PRORP: variants seen among roughly 807,000 people sequenced by gnomAD.
PRORP encodes protein only RNase P catalytic subunit.
A neutral mutation model predicts 59.4 loss-of-function variants in PRORP; 51 were observed. The ratio of observed to expected loss-of-function variants is 0.86; its 90% CI spans 0.69 to 1.08. The LOEUF is 1.08. PRORP is among the 50% of genes least tolerant of loss of function. PRORP has a pLI of 0.00. For synonymous variants in PRORP, 231 were observed against 245.6 expected, an observed-to-expected ratio of 0.94 and a Z score of 0.55; for missense variants, 646 against 690.3, an observed-to-expected ratio of 0.94 and a Z score of 0.72.
At chr14:35,195,456 G>A (rs928716182) in intron 5 of PRORP, among the ~76,000 whole-genome samples, 3 of 151,952 alleles carry the variant, frequency 2.0e-5, no homozygotes, top group South Asian at 4.1e-4. Flanking sequence ...AAATTACTGT[G>A]TGTGTTTTTA....
chr14:35,177,926 G>C (rs2048496009), intron 4 of PRORP, among the ~76,000 whole-genome samples: 1 of 152,220 alleles, frequency 6.6e-6, no homozygotes, highest in African/African-American at 2.4e-5. Context: ...ATGTGTCCCA[G>C]AGATTCTGGT....
intron 5 of PRORP, 106 bp from the exon 6 acceptor site, chr14:35,266,621 A>G (rs2051049684): frequency 8.6e-7 from 1 of 1,166,364 alleles, no homozygotes; most frequent in Admixed American, 2.2e-5. Context: ...CTTACCCCCT[A>G]CCAGAAAAGA....
chr14:35,190,275 G>C (rs1419851252), intron 5 of PRORP, among the ~76,000 whole-genome samples: 1 of 151,180 alleles, frequency 6.6e-6, no homozygotes, highest in Non-Finnish European at 1.5e-5. Context: ...GTGCATGCCT[G>C]TAATCCCAGC....
rs570695894 is a variant in PRORP at position 35,156,566 on chromosome 14, G to C, written c.1168-24104G>C. ...TCAAAAGCAGGCTTCTCTCTAGGCT[G>C]ATCACTGCTTTAACAGTGTGATTCT... On this transcript the variant is annotated intron_variant, in intron 4 of 7. Transcript: ENST00000534898. 2.6e-5 allele frequency among the ~76,000 whole-genome samples: 4 copies of C among 152,310 alleles called. No homozygotes were observed. The East Asian group carries it at 7.7e-4, about 29-fold the overall frequency.
intron 5 of PRORP, among the ~76,000 whole-genome samples, chr14:35,189,216 A>G (rs1406070362): frequency 6.6e-6 from 1 of 151,930 alleles, no homozygotes; most frequent in Non-Finnish European, 1.5e-5. Flanking sequence ...TCAACTGTAA[A>G]TTGTATTTTG....
At position 35,270,416 on chromosome 14, in the gene PRORP, A is replaced by G. The variant is rs2051156135; in HGVS notation, c.1440A>G (p.Pro480=). The G allele has an allele frequency of 1.9e-6, 3 of 1,613,710 alleles. No homozygotes were observed. The highest frequency in any genetic ancestry group is 1.7e-5 in the Admixed American group (1 of 59,994). ...CCTGGTTCAGCTCGGAGGATGATCC[A>G]TTCCTTCTGTATGCCACACTGCACT... The part of the protein sequence containing the change: ...FFADDISEDD[P]FLLYATLHSG... Residue 480 remains proline (P), a synonymous_variant, in exon 7 of 8, where the codon CCA becomes CCG. Coordinates refer to ENST00000534898, the MANE Select transcript of PRORP (RefSeq NM_014672.4).
At chr14:35,238,283 T>C (rs1265078703) in intron 5 of PRORP, among the ~76,000 whole-genome samples, 1 of 152,196 alleles carries the variant, frequency 6.6e-6, no homozygotes, top group East Asian at 1.9e-4. Context: ...TATCATGCCC[T>C]GTGGTATGCA....
chr14:35,153,327 C>T (rs1247219672), intron 4 of PRORP, among the ~76,000 whole-genome samples: 1 of 152,134 alleles, frequency 6.6e-6, no homozygotes, highest in East Asian at 1.9e-4. Context: ...TGCAGTGAGC[C>T]GAGATGGCAG....
At chr14:35,237,915 A>G (rs1156699186) in intron 5 of PRORP, among the ~76,000 whole-genome samples, 2 of 152,126 alleles carry the variant, frequency 1.3e-5, no homozygotes, top group South Asian at 2.1e-4. Context: ...CGGCCTCCCA[A>G]AGTGCTGGGA....
At chr14:35,172,892 G>C (rs1378726602) in intron 4 of PRORP, among the ~76,000 whole-genome samples, 1 of 140,960 alleles carries the variant, frequency 7.1e-6, no homozygotes, top group Non-Finnish European at 1.5e-5. Flanking sequence ...TTTGGAGATA[G>C]AGTTTCTCTC....
At chr14:35,169,683 A>G (rs140696988) in intron 4 of PRORP, among the ~76,000 whole-genome samples, 55 of 149,038 alleles carry the variant, frequency 3.7e-4, no homozygotes, top group African/African-American at 1.4e-3. Context: ...ACTTTTTACC[A>G]GGTCTTCCCT....
chr14:35,128,918 C>T (rs376598345), intron 4 of PRORP, among the ~76,000 whole-genome samples: 4 of 151,858 alleles, frequency 2.6e-5, no homozygotes, highest in Non-Finnish European at 5.9e-5. Context: ...CATATTTGGC[C>T]GGGCGCGATG....
chr14:35,165,471 T>C (rs1190836130), intron 4 of PRORP, among the ~76,000 whole-genome samples: 1 of 152,242 alleles, frequency 6.6e-6, no homozygotes, highest in South Asian at 2.1e-4. Flanking sequence ...TAAGAAAGTA[T>C]ATGTAAAGCA....
chr14:35,188,181 T>G (rs1157722169), intron 5 of PRORP, among the ~76,000 whole-genome samples: 1 of 147,492 alleles, frequency 6.8e-6, no homozygotes, highest in Non-Finnish European at 1.5e-5. Context: ...ATTATTATTG[T>G]TGAGTTGTAA....
chr14:35,122,467 C>T (rs2046944243), upstream of PRORP: 1 of 155,434 alleles, frequency 6.4e-6, no homozygotes. Flanking sequence ...GCCTTTTTTC[C>T]TCGCCGCCGG....
At chr14:35,164,623 T>C (rs1177137932) in intron 4 of PRORP, among the ~76,000 whole-genome samples, 22 of 152,086 alleles carry the variant, frequency 1.4e-4, no homozygotes, top group Non-Finnish European at 1.5e-5. Context: ...CAACAGACAC[T>C]GCAGACTGCT....
In PRORP at chr14:35,270,251, C is replaced by T. The variant is rs79116585; in HGVS notation, c.1425-150C>T. ...GATAGTATTGCTTACCAGCTAAGGA[C>T]TTTGAGGTGGTTCTTAAGTATTACT... On this transcript the variant is annotated intron_variant, in intron 6 of 7. Coordinates refer to ENST00000534898, the MANE Select transcript of PRORP (RefSeq NM_014672.4). 247 of 667,418 alleles carry T rather than the reference C, an allele frequency of 3.7e-4. 2 individuals are homozygous for T. The African/African-American group carries it at 4.0e-3, about 11-fold the overall frequency. The allele number at this position is 667,418 out of a possible 1,614,324, so 41.3% of individuals were successfully genotyped here. A position where few individuals can be genotyped will look rare whatever the true frequency, so the allele number is the denominator to read the frequency against.
intron 4 of PRORP, among the ~76,000 whole-genome samples, chr14:35,129,208 CA>C (rs926171480): frequency 9.6e-5 from 14 of 146,386 alleles, no homozygotes; most frequent in African/African-American, 1.5e-4. Context: ...AACTCCATCT[CA>C]AAAAAAAAAG....
intron 5 of PRORP, among the ~76,000 whole-genome samples, chr14:35,220,504 C>G (rs2138439598): frequency 6.6e-6 from 1 of 152,276 alleles, no homozygotes; most frequent in African/African-American, 2.4e-5. Flanking sequence ...GTAAGATCCT[C>G]TCTAACACCA....
Sources: allele counts gnomAD v4.1 joint callset (sites outside exome capture counted in the v4.1 genomes callset), GRCh38; gene constraint gnomAD v4.1.1; transcripts MANE v1.5; gene names NCBI Gene and HGNC (gene_info 2026-07-23, HGNC 2026-07-21).